Variants in TAF1 observed in about 807,000 individuals in gnomAD.
TAF1 encodes TATA-box binding protein associated factor 1.
Under a neutral mutation model 138.5 loss-of-function variants are expected in TAF1, and 2 were observed. The observed-to-expected ratio is 0.01, with a 90% CI of 0.01 to 0.05. TAF1 has a LOEUF of 0.05. Among genes scored for constraint, TAF1 ranks in the 10% least tolerant of loss-of-function variants. The pLI is 1.00. For synonymous variants in TAF1, 437 were observed against 503.2 expected (o/e 0.87, Z 1.76); for missense variants, 709 against 1,478.0 (o/e 0.48, Z 8.53).
intron 22 of TAF1, among the ~76,000 whole-genome samples, chrX:71,396,003 GC>G (rs1207674043): frequency 1.8e-5 from 2 of 109,839 alleles, no homozygotes; most frequent in African/African-American, 6.6e-5. Context: ...ACAAAAATTA[GC>G]CGGGCATGAT....
intron 8 of TAF1, 97 bp downstream of exon 8, chrX:71,379,128 T>TTTTTTTTTTTTTG (rs2033688728): frequency 1.3e-6 from 1 of 774,755 alleles, no homozygotes; most frequent in African/African-American, 2.3e-5. Context: ...TTTTTTTTTT[T>TTTTTTTTTTTTTG]CGGTGAGACA....
rs752323697 is a variant in TAF1, at chrX:71,377,524, GGGAGTTTT to G, written c.715-78_715-71del. The G allele has an allele frequency of 2.0e-5, 22 of 1,085,490 alleles. No individual in the cohort carries two copies. The East Asian group carries it at 6.5e-4, about 32-fold the overall frequency. 89.5% of individuals were successfully genotyped at this position (1,085,490 alleles called of 1,213,427 possible). A position where few individuals can be genotyped will look rare whatever the true frequency, so the allele number is the denominator to read the frequency against. ...CCCCACATTTGAAGAGATCTCTCAAGGGAGTTTTCAGGCCCAGATGCTGCTGTTTTCCC... is the reference window on the plus strand; with the variant it reads ...CCCCACATTTGAAGAGATCTCTCAAGCAGGCCCAGATGCTGCTGTTTTCCC... On this transcript the variant is annotated intron_variant, in intron 5 of 37. Coordinates refer to ENST00000423759, the MANE Select transcript of TAF1 (RefSeq NM_004606.5).
chrX:71,418,377 G>A (rs752008768), intron 28 of TAF1, among the ~76,000 whole-genome samples: 6 of 112,715 alleles, frequency 5.3e-5, no homozygotes, highest in African/African-American at 6.4e-5. Flanking sequence ...GTTTACAGGC[G>A]TGAGCCACTG....
chrX:71,485,969 A>T (rs1420096173), intron 13 of TAF1, among the ~76,000 whole-genome samples: 3 of 109,149 alleles, frequency 2.7e-5, no homozygotes, highest in Admixed American at 9.9e-5. Context: ...TTATTTATTT[A>T]TTATTTATTT....
At chrX:71,485,907 A>G (rs1476002133) in intron 13 of TAF1, among the ~76,000 whole-genome samples, 1 of 110,713 alleles carries the variant, frequency 9.0e-6, no homozygotes, top group Non-Finnish European at 1.9e-5. Flanking sequence ...CATATCCAAG[A>G]ACTCATTGCC....
chrX:71,392,435 C>A, intron 18 of TAF1, 134 bp from the exon 19 acceptor site: 1 of 828,482 alleles, frequency 1.2e-6, no homozygotes, highest in Non-Finnish European at 1.6e-6. Context: ...TTTAAGAGAG[C>A]ATGAACCCAC....
At chrX:71,509,668 G>C (rs1323451037) in intron 13 of TAF1, among the ~76,000 whole-genome samples, 2 of 111,067 alleles carry the variant, frequency 1.8e-5, no homozygotes, top group African/African-American at 6.5e-5. Flanking sequence ...GTGAGACCCT[G>C]TCTCTAAAAA....
chrX:71,476,752 A>G (rs2038986449), intron 13 of TAF1, among the ~76,000 whole-genome samples: 1 of 111,152 alleles, frequency 9.0e-6, no homozygotes, highest in Non-Finnish European at 1.9e-5. Flanking sequence ...TAGAGAACTT[A>G]GAAGCGGACC....
At chrX:71,411,294 C>A (rs1314609880) in intron 28 of TAF1, among the ~76,000 whole-genome samples, 2 of 111,392 alleles carry the variant, frequency 1.8e-5, no homozygotes, top group Non-Finnish European at 3.8e-5. Context: ...GTTGGCCAGG[C>A]TGGTCTTGAA....
rs1259701142 is a variant in TAF1, at chrX:71,418,761, A to ATTTT, written c.4385-2527_4385-2524dup. ...GCTTCTGATAGGGATCAGTATGGAG[A>ATTTT]TTTTTTTTTTTTTTTTTTTTTTTTG... On this transcript the variant is annotated intron_variant, in intron 28 of 37. Transcript: ENST00000423759. Among the ~76,000 whole-genome samples, 29 of 70,653 alleles carry ATTTT rather than the reference A, an allele frequency of 4.1e-4. 1 individual carries two copies. Among genetic ancestry groups the ATTTT allele is most frequent in the African/African-American group, 1.2e-3 (20 of 16,862 alleles). The allele number at this position is 70,653 out of a possible 115,157, so 61.4% of individuals were successfully genotyped here.
intron 25 of TAF1, among the ~76,000 whole-genome samples, chrX:71,406,068 C>A (rs2035450701): frequency 9.1e-6 from 1 of 110,444 alleles, no homozygotes; most frequent in Non-Finnish European, 1.9e-5. Flanking sequence ...ATGGCTCACA[C>A]CTGTAATCCC....
At position 71,463,964 on chromosome X, in the gene TAF1, A is replaced by G. The variant is rs1165162767; in HGVS notation, c.5540A>G (p.Gln1847Arg). The change falls in exon 38 of 38, where the codon CAG becomes CGG. Residue 1847 changes from glutamine to arginine, a missense_variant. Physicochemically the swap from Gln to Arg is conservative, Grantham distance 43. Around this residue, in one of 14 missense-constraint regions of TAF1, gnomAD observed 123 missense variants for 174.7 expected, o/e 0.70. Transcript: ENST00000423759. ...CGCTCTGGGCCGAGCGTACTAAGCC[A>G]GGTCCACCTGTCAGAGGACGAGGAG... ...EQRSGPSVLS[Q>R]VHLSEDEEDS... The G allele has an allele frequency of 3.3e-6, 4 of 1,205,492 alleles. No homozygotes were observed. The highest frequency in any genetic ancestry group is 3.6e-5 in the South Asian group (2 of 55,736).
Position 71,464,568 on chromosome X carries a change from G to A in TAF1, c.*522G>A, listed in dbSNP as rs1341155813. ...AAAAATACAAAAATTAGCCAGGTGT[G>A]GTGGCGTATGCCTGTTAATCCTAGC... On this transcript the variant is annotated 3_prime_UTR_variant, in exon 38 of 38. Transcript: ENST00000423759. 4.4e-6 allele frequency: 1 copy of A among 227,352 alleles called. No individual in the cohort carries two copies. The highest frequency in any genetic ancestry group is 2.9e-5 in the African/African-American group (1 of 34,633). The allele number at this position is 227,352 out of a possible 1,213,427, so 18.7% of individuals were successfully genotyped here. A position where few individuals can be genotyped will look rare whatever the true frequency, so the allele number is the denominator to read the frequency against.
At chrX:71,379,105 A>ATTTTTCTTTTT (rs2033683514) in intron 8 of TAF1, 74 bp downstream of exon 8, 1 of 332,928 alleles carries the variant, frequency 3.0e-6, no homozygotes, top group Non-Finnish European at 4.2e-6. Context: ...CTCAGCTGTG[A>ATTTTTCTTTTT]TTTTTTTTTT....
chrX:71,466,436 G>A (rs2038759736), downstream of TAF1: 1 of 111,006 alleles, frequency 9.0e-6, no homozygotes. Context: ...GGAGTGCAGT[G>A]GTACGATCTC....
chrX:71,420,872 A>ACGC (rs1243139793), intron 28 of TAF1, among the ~76,000 whole-genome samples: 1 of 111,594 alleles, frequency 9.0e-6, no homozygotes, highest in Admixed American at 9.4e-5. Context: ...GTAGTCCCCT[A>ACGC]CGCCCCCCGG....
intron 13 of TAF1, chrX:71,492,704 G>A: frequency 8.5e-6 from 1 of 117,399 alleles, no homozygotes; most frequent in South Asian, 3.3e-4. Context: ...CGCGCAGTCC[G>A]TGTCGCGGCG....
At chrX:71,494,423 A>AAAAT (rs759740708) in intron 13 of TAF1, among the ~76,000 whole-genome samples, 2,056 of 110,452 alleles carry the variant, frequency 0.019, 52 homozygotes, top group African/African-American at 0.055. Context: ...ACTCTGTCTC[A>AAAAT]AAATAAATAA....
chrX:71,518,692 C>CTT (rs41486346), intron 13 of TAF1, among the ~76,000 whole-genome samples: 265 of 79,131 alleles, frequency 3.3e-3, no homozygotes, highest in African/African-American at 9.9e-3. Context: ...TCTTTTCTTT[C>CTT]TTTTTTTTTT....
Sources: gnomAD v4.1 joint callset for allele counts (sites outside exome capture counted in the v4.1 genomes callset) on GRCh38, gnomAD v4.1.1 for gene constraint, gnomAD v4.1.1 regional missense constraint, MANE v1.5 for transcripts, NCBI Gene and HGNC (gene_info 2026-07-23, HGNC 2026-07-21) for gene names.